The following TRIM25 variants were observed in gnomAD, a reference collection of about 807,000 sequenced individuals.
TRIM25 encodes tripartite motif containing 25, also known as E3 ubiquitin/ISG15 ligase TRIM25.
Under a neutral mutation model 65.2 loss-of-function variants are expected in TRIM25, and 45 were observed. That is an observed-to-expected ratio of 0.69 (90% confidence interval 0.54 to 0.89). TRIM25 has a LOEUF of 0.89. Ranked by LOEUF, TRIM25 falls within the 40% of genes least tolerant of loss-of-function variation. The pLI is 0.00. For missense variants in TRIM25, 714 were observed against 803.7 expected, an observed-to-expected ratio of 0.89 and a Z score of 1.35; for synonymous variants, 321 against 340.4, an observed-to-expected ratio of 0.94 and a Z score of 0.63.
intron 1 of TRIM25, among the ~76,000 whole-genome samples, chr17:56,911,140 G>A (rs563783405): frequency 6.6e-5 from 10 of 152,114 alleles, no homozygotes; most frequent in Admixed American, 2.6e-4. Context: ...GTGGTGGTGC[G>A]TGCTTGTAGT....
In TRIM25 at chr17:56,904,474, T is replaced by G. The variant is rs767629163; in HGVS notation, c.708A>C (p.Arg236Ser). Residue 236 changes from arginine to serine, a missense_variant, in exon 3 of 9, where the codon AGA becomes AGC. Coordinates refer to ENST00000316881, the MANE Select transcript of TRIM25 (RefSeq NM_005082.5). The part of the protein sequence containing the change: ...RQQDVRMTAN[R>S]KVEQLQQEYT... ...ATTCTTGTTGTAGCTGCTCCACCTTTCTGTTTGCAGTCATCTGAGAGGGCC... is the reference window on the plus strand; with the variant it reads ...ATTCTTGTTGTAGCTGCTCCACCTTGCTGTTTGCAGTCATCTGAGAGGGCC... 1.2e-5 allele frequency: 20 copies of G among 1,614,048 alleles called. No homozygotes were observed. In the African/African-American group the frequency reaches 2.5e-4, roughly 20 times the overall value.
intron 3 of TRIM25, among the ~76,000 whole-genome samples, 157 bp from the exon 4 acceptor site, chr17:56,901,735 GAC>G (rs1445694064): frequency 6.6e-6 from 1 of 152,110 alleles, no homozygotes; most frequent in African/African-American, 2.4e-5. Context: ...GAGTTTAAAT[GAC>G]ACTTGAAGAC....
chr17:56,889,786 T>C lies in TRIM25; in HGVS notation c.*1914A>G, dbSNP rs1909130306. On this transcript the variant is annotated 3_prime_UTR_variant, in exon 9 of 9. Transcript: ENST00000316881. ...TATTAATTGGTTTCAGACAAGGCTT[T>C]CGTTTCAGAAAATCAATGAAGATGC... is the stretch of plus-strand genomic sequence containing the variant. The C allele has an allele frequency of 2.5e-6, 1 of 398,504 alleles. No individual in the cohort carries two copies. Among genetic ancestry groups the C allele is most frequent in the Non-Finnish European group, 4.4e-6 (1 of 226,072 alleles). The allele number at this position is 398,504 out of a possible 1,614,324, so 24.7% of individuals were successfully genotyped here.
Position 56,913,451 on chromosome 17 carries a change from G to T in TRIM25, c.538C>A (p.Leu180Met). 3.7e-6 allele frequency: 6 copies of T among 1,609,908 alleles called. No homozygotes were observed. The highest frequency in any genetic ancestry group is 5.1e-6 in the Non-Finnish European group (6 of 1,177,372). Residue 180 changes from leucine to methionine, a missense_variant, in exon 1 of 9, where the codon CTG (leucine) becomes ATG (methionine). By Grantham distance (15) the Leu-to-Met change is conservative. Transcript: ENST00000316881. This position sits in a 1 kb window ranked among gnomAD's most constrained non-coding sequence, Gnocchi z 6.1. ...GGAGAGCAGGTCTTATGCTCCACCAGGCAGATGTGGCAGATGCACTCGCTG... is the reference window on the plus strand; with the variant it reads ...GGAGAGCAGGTCTTATGCTCCACCATGCAGATGTGGCAGATGCACTCGCTG... ...EHSECICHIC[L>M]VEHKTCSPAS... is the part of the protein sequence containing the mutation.
Position 56,889,788 on chromosome 17 carries a change from G to C in TRIM25, c.*1912C>G, listed in dbSNP as rs548910510. 1.5e-5 allele frequency: 6 copies of C among 398,448 alleles called. No individual in the cohort carries two copies. Among genetic ancestry groups the C allele is most frequent in the African/African-American group, 8.2e-5 (4 of 48,604 alleles). The allele number at this position is 398,448 out of a possible 1,614,324, so 24.7% of individuals were successfully genotyped here. On this transcript the variant is annotated 3_prime_UTR_variant, in exon 9 of 9. Transcript: ENST00000316881. ...TTAATTGGTTTCAGACAAGGCTTTC[G>C]TTTCAGAAAATCAATGAAGATGCTT...
Position 56,899,169 on chromosome 17 carries a change from C to G in TRIM25, c.1099G>C (p.Glu367Gln). Residue 367 changes from glutamate to glutamine, a missense_variant, in exon 5 of 9, where the codon GAG (glutamate) becomes CAG (glutamine). Around this residue, in one of 3 missense-constraint regions of TRIM25, gnomAD observed 413 missense variants for 498.2 expected, o/e 0.83. Transcript: ENST00000316881. ...TTGTGTGTGGACGCTGGGTCATGCT[C>G]TCCAGGGTCACCTGTGTCAGAGAAG... The part of the protein sequence containing the change: ...EPTPSSGDPG[E>Q]HDPASTHKST... 6.2e-7 allele frequency: 1 copy of G among 1,614,098 alleles called. No homozygotes were observed. The highest frequency in any genetic ancestry group is 1.1e-5 in the South Asian group (1 of 91,066).
At chr17:56,909,429 A>G (rs1186781876) in intron 1 of TRIM25, among the ~76,000 whole-genome samples, 2 of 152,168 alleles carry the variant, frequency 1.3e-5, no homozygotes, top group Non-Finnish European at 2.9e-5. Context: ...TCATGCCTGT[A>G]ATCCTAGCAC....
intron 5 of TRIM25, 52 bp downstream of exon 5, chr17:56,899,062 TG>T: frequency 1.2e-6 from 2 of 1,604,128 alleles, no homozygotes; most frequent in Non-Finnish European, 1.7e-6. Flanking sequence ...GGCCAGAGCC[TG>T]GGGAGGCCAC....
intron 2 of TRIM25, 109 bp downstream of exon 2, chr17:56,908,359 G>C: frequency 9.7e-7 from 1 of 1,030,226 alleles, no homozygotes; most frequent in Non-Finnish European, 1.5e-6. Context: ...TCCTGACACT[G>C]TGAGTGCACC....
In TRIM25 at chr17:56,908,566, G is replaced by A. The variant is rs760831197; in HGVS notation, c.598-3C>T. 1.5e-5 allele frequency: 24 copies of A among 1,613,192 alleles called. No individual in the cohort carries two copies. The African/African-American group carries it at 3.1e-4, about 21-fold the overall frequency. On this transcript the variant is annotated splice_polypyrimidine_tract_variant and splice_region_variant and intron_variant, in intron 1 of 8. Coordinates refer to ENST00000316881, the MANE Select transcript of TRIM25 (RefSeq NM_005082.5). ...GTTAGTTTGTGCCTCAGGGTGGCCTGCAGGGAAAACAAATGAGGTTGAGAA... is the reference window on the plus strand; with the variant it reads ...GTTAGTTTGTGCCTCAGGGTGGCCTACAGGGAAAACAAATGAGGTTGAGAA...
chr17:56,891,366 A>C lies in TRIM25; in HGVS notation c.*334T>G. 1 of 344,358 alleles carries C rather than the reference A, an allele frequency of 2.9e-6. No individual in the cohort carries two copies. Among genetic ancestry groups the C allele is most frequent in the Non-Finnish European group, 5.5e-6 (1 of 182,236 alleles). 21.3% of individuals were successfully genotyped at this position (344,358 alleles called of 1,614,324 possible). On this transcript the variant is annotated 3_prime_UTR_variant, in exon 9 of 9. Coordinates refer to ENST00000316881, the MANE Select transcript of TRIM25 (RefSeq NM_005082.5). ...GCCCAAGACAGAACCTACAGTAGCT[A>C]TGGATTTTCTCTAAGAGGAATCGGG...
intron 2 of TRIM25, among the ~76,000 whole-genome samples, chr17:56,906,198 T>C (rs1213002132): frequency 7.5e-6 from 1 of 132,676 alleles, no homozygotes; most frequent in Non-Finnish European, 1.6e-5. Flanking sequence ...CCCTCATGAA[T>C]GGATTCATAT....
In TRIM25 at chr17:56,913,588, T is replaced by A; in HGVS notation, c.401A>T (p.His134Leu). 1 of 1,610,654 alleles carries A rather than the reference T, an allele frequency of 6.2e-7. No homozygotes were observed. The highest frequency in any genetic ancestry group is 8.5e-7 in the Non-Finnish European group (1 of 1,178,142). The stretch of plus-strand genomic sequence containing the variant: ...GTCCTGGAAGGCGGGGCTGTCGAAG[T>A]GCGGCTGCAGGTGCTCCTGACAGAA... The part of the protein sequence containing the change: ...ASFCQEHLQP[H>L]FDSPAFQDHP... Residue 134 changes from histidine to leucine, a missense_variant, in exon 1 of 9, where the codon CAC (histidine) becomes CTC (leucine). By Grantham distance (99) the His-to-Leu change is moderately conservative. Transcript: ENST00000316881. The surrounding 1 kb of genome is among the most constrained non-coding windows in gnomAD (Gnocchi z 6.1).
intron 8 of TRIM25, 138 bp from the exon 9 acceptor site, chr17:56,892,367 A>C: frequency 1.1e-6 from 1 of 872,558 alleles, no homozygotes; most frequent in Non-Finnish European, 1.7e-6. Flanking sequence ...CCATCCACTC[A>C]TCTATCCATC....
intron 8 of TRIM25, among the ~76,000 whole-genome samples, chr17:56,892,661 C>T (rs1265149963): frequency 2.6e-5 from 4 of 152,194 alleles, no homozygotes; most frequent in African/African-American, 9.6e-5. Context: ...TCTATCCATC[C>T]ATTCATCCAT....
chr17:56,913,434 G>A lies in TRIM25; in HGVS notation c.555C>T (p.Thr185=). ...CCTGGCTCAGGGACGCGGGAGAGCA[G>A]GTCTTATGCTCCACCAGGCAGATGT... ...ICHICLVEHK[T]CSPASLSQAS... is the part of the protein sequence containing the mutation. Residue 185 remains threonine (T), a synonymous_variant, in exon 1 of 9, where the codon ACC becomes ACT. Coordinates refer to ENST00000316881, the MANE Select transcript of TRIM25 (RefSeq NM_005082.5). This position sits in a 1 kb window ranked among gnomAD's most constrained non-coding sequence, Gnocchi z 6.1. 1 of 1,601,308 alleles carries A rather than the reference G, an allele frequency of 6.2e-7. No individual in the cohort carries two copies. Among genetic ancestry groups the A allele is most frequent in the Non-Finnish European group, 8.5e-7 (1 of 1,171,872 alleles).
At chr17:56,902,387 T>C (rs902295563) in intron 3 of TRIM25, among the ~76,000 whole-genome samples, 3 of 151,580 alleles carry the variant, frequency 2.0e-5, no homozygotes, top group Non-Finnish European at 2.9e-5. Context: ...TGAATGGGGG[T>C]AATAAGAGAT....
chr17:56,905,000 G>A (rs1909491799), intron 2 of TRIM25, among the ~76,000 whole-genome samples: 1 of 152,166 alleles, frequency 6.6e-6, no homozygotes, highest in African/African-American at 2.4e-5. Context: ...GAAACGCATG[G>A]GAATGAATAA....
At chr17:56,898,635 T>C (rs1423243179) in intron 5 of TRIM25, among the ~76,000 whole-genome samples, 3 of 151,520 alleles carry the variant, frequency 2.0e-5, no homozygotes, top group African/African-American at 7.3e-5. Context: ...TAAAATTTCA[T>C]GGGTTGTAAT....
Sources: gnomAD v4.1 joint callset for allele counts (sites outside exome capture counted in the v4.1 genomes callset) on GRCh38, gnomAD v4.1.1 for gene constraint, gnomAD v4.1.1 regional missense constraint, Gnocchi (gnomAD v3.1) non-coding constraint, MANE v1.5 for transcripts, NCBI Gene and HGNC (gene_info 2026-07-23, HGNC 2026-07-21) for gene names.